The following IL1RAPL1 variants were observed in gnomAD, a reference collection of about 807,000 sequenced individuals.
IL1RAPL1 encodes the protein interleukin-1 receptor accessory protein-like 1.
IL1RAPL1 carries 3 observed loss-of-function variants against 48.4 expected under a neutral mutation model. The observed-to-expected ratio is 0.06, with a 90% CI of 0.03 to 0.16. The LOEUF (loss-of-function observed/expected upper bound fraction) is 0.16. Ranked by LOEUF, IL1RAPL1 falls within the 10% of genes least tolerant of loss-of-function variation. The probability of loss-of-function intolerance (pLI) is 1.00; values close to 1 mark genes in which losing one functional copy is unlikely to be tolerated. For missense variants in IL1RAPL1, 349 were observed against 530.6 expected, an observed-to-expected ratio of 0.66 and a Z score of 3.36; for synonymous variants, 185 against 187.7, an observed-to-expected ratio of 0.99 and a Z score of 0.12.
At chrX:29,428,392 A>T (rs142106816) in intron 5 of IL1RAPL1, among the ~76,000 whole-genome samples, 1 of 111,462 alleles carries the variant, frequency 9.0e-6, no homozygotes, top group African/African-American at 3.3e-5. Flanking sequence ...ATTAAATGAC[A>T]TTAATCTAGA....
intron 8 of IL1RAPL1, among the ~76,000 whole-genome samples, chrX:29,932,375 A>C (rs1193933893): frequency 8.9e-6 from 1 of 112,297 alleles, no homozygotes; most frequent in African/African-American, 3.2e-5. Flanking sequence ...TACTGACCTA[A>C]CTTTGCGAAA....
At chrX:29,849,335 C>T (rs1451509523) in intron 6 of IL1RAPL1, among the ~76,000 whole-genome samples, 1 of 111,329 alleles carries the variant, frequency 9.0e-6, no homozygotes, top group Non-Finnish European at 1.9e-5. Context: ...ATTCTATAGA[C>T]TGTATAGTCT....
chrX:29,267,668 C>G (rs1297036335), intron 2 of IL1RAPL1, among the ~76,000 whole-genome samples: 1 of 111,603 alleles, frequency 9.0e-6, no homozygotes, highest in Non-Finnish European at 1.9e-5. Context: ...ATTCCATTTT[C>G]TGCATGAGTC....
At chrX:29,156,057 C>T (rs1929563783) in intron 2 of IL1RAPL1, among the ~76,000 whole-genome samples, 1 of 111,132 alleles carries the variant, frequency 9.0e-6, no homozygotes, top group East Asian at 2.8e-4. Flanking sequence ...CCTCTTGACA[C>T]TATTTCAAAG....
At chrX:29,829,602 T>G (rs1003608158) in intron 6 of IL1RAPL1, among the ~76,000 whole-genome samples, 1 of 111,640 alleles carries the variant, frequency 9.0e-6, no homozygotes, top group African/African-American at 3.3e-5. Context: ...GTCCACCAAT[T>G]TTTGGCTTTA....
At position 29,437,278 on chromosome X, in the gene IL1RAPL1, A is replaced by G. The variant is rs960549383; in HGVS notation, c.703+37970A>G. Among the ~76,000 whole-genome samples, 4 of 110,775 alleles carry G rather than the reference A, an allele frequency of 3.6e-5. No homozygotes were observed. The South Asian group carries it at 1.1e-3, about 31-fold the overall frequency. On this transcript the variant is annotated intron_variant, in intron 5 of 10. Transcript: ENST00000378993. ...AATTATTACTGAGACTGAGGTACATACAAATAGTGGAAAGCTAAGATAGTC... is the reference window on the plus strand; with the variant it reads ...AATTATTACTGAGACTGAGGTACATGCAAATAGTGGAAAGCTAAGATAGTC...
At chrX:29,585,785 C>T (rs187430100) in intron 5 of IL1RAPL1, among the ~76,000 whole-genome samples, 1 of 112,109 alleles carries the variant, frequency 8.9e-6, no homozygotes, top group African/African-American at 3.2e-5. Context: ...GAACATTTTT[C>T]TCACATACCT....
At chrX:29,163,061 A>G (rs1330704472) in intron 2 of IL1RAPL1, among the ~76,000 whole-genome samples, 1 of 107,259 alleles carries the variant, frequency 9.3e-6, no homozygotes, top group South Asian at 4.3e-4. Context: ...CGACAGAGCA[A>G]GACTCCGTCT....
chrX:29,882,539 T>C (rs1932052450), intron 6 of IL1RAPL1, among the ~76,000 whole-genome samples: 1 of 111,729 alleles, frequency 9.0e-6, no homozygotes, highest in African/African-American at 3.2e-5. Flanking sequence ...TTTTAGGTTT[T>C]ACAGGCCATA....
At chrX:29,006,509 C>T (rs1488950296) in intron 2 of IL1RAPL1, among the ~76,000 whole-genome samples, 2 of 104,442 alleles carry the variant, frequency 1.9e-5, no homozygotes, top group East Asian at 3.0e-4. Flanking sequence ...AGCAAAACGC[C>T]GTCTGGAAAA....
Position 29,745,431 on chromosome X carries a change from G to GTTTTTTTTTTTTTTTTT in IL1RAPL1, c.778+76940_778+76956dup, listed in dbSNP as rs752527354. The stretch of plus-strand genomic sequence containing the variant: ...TCTCTTTATTCCTTAAGTTTTTTGT[G>GTTTTTTTTTTTTTTTTT]TTTTTTTTTTTTTTTTTTTTTTTTT... On this transcript the variant is annotated intron_variant, in intron 6 of 10. Coordinates refer to ENST00000378993, the MANE Select transcript of IL1RAPL1 (RefSeq NM_014271.4). Among the ~76,000 whole-genome samples, 6 of 24,746 alleles carry GTTTTTTTTTTTTTTTTT rather than the reference G, an allele frequency of 2.4e-4. 1 individual carries two copies. Among genetic ancestry groups the GTTTTTTTTTTTTTTTTT allele is most frequent in the Non-Finnish European group, 3.3e-4 (5 of 14,928 alleles). 21.5% of individuals were successfully genotyped at this position (24,746 alleles called of 115,157 possible). A position where few individuals can be genotyped will look rare whatever the true frequency, so the allele number is the denominator to read the frequency against.
At chrX:29,155,615 G>T (rs1929553472) in intron 2 of IL1RAPL1, among the ~76,000 whole-genome samples, 1 of 111,704 alleles carries the variant, frequency 9.0e-6, no homozygotes, top group Admixed American at 9.6e-5. Context: ...GTAGAAAATT[G>T]CGGAGATTCT....
chrX:29,504,008 CAG>C (rs1935302087), intron 5 of IL1RAPL1, among the ~76,000 whole-genome samples: 1 of 102,036 alleles, frequency 9.8e-6, no homozygotes, highest in African/African-American at 3.6e-5. Flanking sequence ...GCAGACTTGA[CAG>C]AGTGCAGTGG....
rs199869467 is a variant in IL1RAPL1 at position 28,832,822 on chromosome X, ATTT to A, written c.82+43413_82+43415del. ...TCTGTTAAATTTCTTATTTTTTTCAATTTTTTTTTTTTTTTTTTAGATTCAGGG... is the reference window on the plus strand; with the variant it reads ...TCTGTTAAATTTCTTATTTTTTTCAATTTTTTTTTTTTTTTAGATTCAGGG... On this transcript the variant is annotated intron_variant, in intron 2 of 10. Coordinates refer to ENST00000378993, the MANE Select transcript of IL1RAPL1 (RefSeq NM_014271.4). Among the ~76,000 whole-genome samples the A allele has an allele frequency of 1.1e-4, 9 of 80,381 alleles. No individual in the cohort carries two copies. In the East Asian group the frequency reaches 2.7e-3, roughly 24 times the overall value. The allele number at this position is 80,381 out of a possible 115,157, so 69.8% of individuals were successfully genotyped here. A position where few individuals can be genotyped will look rare whatever the true frequency, so the allele number is the denominator to read the frequency against.
At chrX:29,107,709 T>C (rs1039899409) in intron 2 of IL1RAPL1, among the ~76,000 whole-genome samples, 3 of 112,120 alleles carry the variant, frequency 2.7e-5, no homozygotes, top group African/African-American at 9.7e-5. Context: ...ATATCAGACT[T>C]ACTCAAGAGA....
chrX:28,774,101 C>T (rs1297081019), intron 1 of IL1RAPL1, among the ~76,000 whole-genome samples: 3 of 111,232 alleles, frequency 2.7e-5, no homozygotes, highest in Non-Finnish European at 3.8e-5. Context: ...TTCTTTTTTT[C>T]GATTTGTTCT....
chrX:29,791,762 G>A (rs757087820), intron 6 of IL1RAPL1, among the ~76,000 whole-genome samples: 1 of 81,279 alleles, frequency 1.2e-5, no homozygotes, highest in South Asian at 6.7e-4. Flanking sequence ...GGTGAGTCTC[G>A]CTCTGTCTCC....
intron 2 of IL1RAPL1, among the ~76,000 whole-genome samples, chrX:28,826,425 T>C (rs1936995579): frequency 8.9e-6 from 1 of 111,748 alleles, no homozygotes; most frequent in Non-Finnish European, 1.9e-5. Context: ...AATGCTTTTA[T>C]GAGGCCAATG....
At chrX:29,309,831 C>T (rs1328118467) in intron 3 of IL1RAPL1, among the ~76,000 whole-genome samples, 4 of 106,325 alleles carry the variant, frequency 3.8e-5, no homozygotes, top group Non-Finnish European at 7.7e-5. Context: ...CGCGGTGGCT[C>T]ACGCCTGTAA....
Sources: gnomAD v4.1 joint callset for allele counts (sites outside exome capture counted in the v4.1 genomes callset) on GRCh38, gnomAD v4.1.1 for gene constraint, MANE v1.5 for transcripts, NCBI Gene and HGNC (gene_info 2026-07-23, HGNC 2026-07-21) for gene names.